Variants in CD200 observed in about 807,000 individuals in gnomAD.
The protein encoded by CD200 is OX-2 membrane glycoprotein.
Under a neutral mutation model 30.9 loss-of-function variants are expected in CD200, and 15 were observed. The ratio of observed to expected loss-of-function variants is 0.49; its 90% confidence interval spans 0.32 to 0.75. The LOEUF is 0.75. CD200 is among the 30% of genes least tolerant of loss of function. The pLI is 0.03. For synonymous variants in CD200, 134 were observed against 126.2 expected (o/e 1.06, Z -0.41); for missense variants, 262 against 324.2 (o/e 0.81, Z 1.47).
intron 2 of CD200, 28 bp from the exon 3 acceptor site, chr3:112,344,934 A>G (rs1357177338): frequency 1.3e-6 from 2 of 1,493,228 alleles, no homozygotes; most frequent in African/African-American, 1.4e-5. Context: ...CAATCTTTAA[A>G]TATAAATGTT....
chr3:112,341,466 T>A (rs2081236963), intron 2 of CD200, among the ~76,000 whole-genome samples: 1 of 152,238 alleles, frequency 6.6e-6, no homozygotes, highest in Non-Finnish European at 1.5e-5. Flanking sequence ...CATCTACTTA[T>A]CTACCGAAGT....
rs565413505 is a variant in CD200 at position 112,333,234 on chromosome 3, G to C, written c.12+10G>C. 25 of 1,549,652 alleles carry C rather than the reference G, an allele frequency of 1.6e-5. No homozygotes were observed. On this transcript the variant is annotated intron_variant, in intron 1 of 5. Coordinates refer to ENST00000315711, the MANE Select transcript of CD200 (RefSeq NM_005944.7). ...AAGGATGGAGAGGCTGGTGAGCGGG[G>C]CCGGGGCTTGGGAAGGAGGGCGCAG...
At chr3:112,344,255 G>A (rs1334068267) in intron 2 of CD200, among the ~76,000 whole-genome samples, 1 of 152,000 alleles carries the variant, frequency 6.6e-6, no homozygotes, top group Admixed American at 6.6e-5. Flanking sequence ...CAAAAGTTTG[G>A]CTATTTGTTT....
chr3:112,339,681 T>C (rs779221828), intron 1 of CD200, among the ~76,000 whole-genome samples: 3 of 152,176 alleles, frequency 2.0e-5, no homozygotes, highest in Non-Finnish European at 4.4e-5. Context: ...AAAACAGAGA[T>C]GGATTGATAC....
rs774267779 is a variant in CD200, at chr3:112,345,233, C to T, written c.366C>T (p.Leu122=). 6.2e-7 allele frequency: 1 copy of T among 1,614,124 alleles called. No homozygotes were observed. The highest frequency in any genetic ancestry group is 8.5e-7 in the Non-Finnish European group (1 of 1,179,978). ...TLEDEGCYMC[L]FNTFGFGKIS... ...AGGATGAAGGGTGTTACATGTGTCT[C>T]TTCAATACCTTTGGTTTTGGGAAGA... is the stretch of plus-strand genomic sequence containing the variant. The change falls in exon 3 of 6, where the codon CTC becomes CTT. Residue 122 remains leucine (L), a synonymous_variant. Transcript: ENST00000315711.
chr3:112,343,218 T>C (rs2081308206), intron 2 of CD200, among the ~76,000 whole-genome samples: 1 of 151,822 alleles, frequency 6.6e-6, no homozygotes, highest in South Asian at 2.1e-4. Context: ...TACATACATA[T>C]AAAGTATATA....
At chr3:112,352,019 A>G (rs551113529) in intron 5 of CD200, among the ~76,000 whole-genome samples, 1 of 152,308 alleles carries the variant, frequency 6.6e-6, no homozygotes, top group Admixed American at 6.5e-5. Context: ...AACACCTCCC[A>G]TTAAGCCCCA....
intron 1 of CD200, among the ~76,000 whole-genome samples, chr3:112,337,533 C>T (rs1289562137): frequency 6.6e-6 from 1 of 152,148 alleles, no homozygotes; most frequent in East Asian, 1.9e-4. Context: ...GAACTTTGAA[C>T]AATTTTCTCT....
At chr3:112,351,790 A>G (rs963718278) in intron 5 of CD200, among the ~76,000 whole-genome samples, 20 of 152,338 alleles carry the variant, frequency 1.3e-4, no homozygotes, top group African/African-American at 4.6e-4. Flanking sequence ...AGGCTATACA[A>G]GCACAGTGCC....
At chr3:112,345,309 TTGTC>T in intron 3 of CD200, 21 bp downstream of exon 3, 1 of 1,583,144 alleles carries the variant, frequency 6.3e-7, no homozygotes, top group Non-Finnish European at 8.7e-7. Flanking sequence ...CTGAGAATCA[TTGTC>T]TGTGTCTGGA....
chr3:112,333,545 G>A, intron 1 of CD200: 1 of 985,400 alleles, frequency 1.0e-6, no homozygotes, highest in Non-Finnish European at 1.2e-6. Context: ...GCATCCTCCG[G>A]GCAGGCTCGG....
At chr3:112,343,091 A>C (rs2081305274) in intron 2 of CD200, among the ~76,000 whole-genome samples, 1 of 152,032 alleles carries the variant, frequency 6.6e-6, no homozygotes, top group African/African-American at 2.4e-5. Context: ...CTTTCTCAAA[A>C]GTTTGGCTAT....
intron 3 of CD200, among the ~76,000 whole-genome samples, chr3:112,347,172 CA>C (rs1171291639): frequency 3.3e-5 from 5 of 152,290 alleles, no homozygotes; most frequent in African/African-American, 1.2e-4. Context: ...TGGTTATTGT[CA>C]AGCCATTTAA....
At chr3:112,333,357 G>C (rs987615943) in intron 1 of CD200, 133 bp downstream of exon 1, 56 of 1,424,874 alleles carry the variant, frequency 3.9e-5, no homozygotes, top group Non-Finnish European at 3.2e-5. Flanking sequence ...CTAGATCAGC[G>C]GTGTTGATGG....
chr3:112,357,786 A>G (rs539664380), intron 5 of CD200, among the ~76,000 whole-genome samples: 2 of 152,328 alleles, frequency 1.3e-5, no homozygotes, highest in Admixed American at 1.3e-4. Context: ...AACAGAACCA[A>G]TTTTACCACA....
rs1559778539 is a variant in CD200 at position 112,335,718 on chromosome 3, A to T, written c.12+2494A>T. 7.6e-6 allele frequency: 4 copies of T among 525,122 alleles called. No homozygotes were observed. The East Asian group carries it at 1.0e-4, about 14-fold the overall frequency. 32.5% of individuals were successfully genotyped at this position (525,122 alleles called of 1,614,324 possible). A position where few individuals can be genotyped will look rare whatever the true frequency, so the allele number is the denominator to read the frequency against. On this transcript the variant is annotated intron_variant, in intron 1 of 5. Transcript: ENST00000315711. Reference sequence around the variant, plus strand: ...TGAAAGATCCATCAGGAATACTGTGATGGAGATAGTGATGGAGACTCCTTG... The same window carrying T: ...TGAAAGATCCATCAGGAATACTGTGTTGGAGATAGTGATGGAGACTCCTTG...
Position 112,345,072 on chromosome 3 carries a change from G to T in CD200, c.205G>T (p.Ala69Ser). 1 of 1,614,096 alleles carries T rather than the reference G, an allele frequency of 6.2e-7. No homozygotes were observed. The highest frequency in any genetic ancestry group is 1.3e-5 in the African/African-American group (1 of 75,030). ...CATTGTGACATGGCAGAAAAAGAAAGCTGTAAGCCCAGAAAACATGGTCAC... is the reference window on the plus strand; with the variant it reads ...CATTGTGACATGGCAGAAAAAGAAATCTGTAAGCCCAGAAAACATGGTCAC... Reference protein sequence around the residue: ...ALIVTWQKKKAVSPENMVTFS... With the variant: ...ALIVTWQKKKSVSPENMVTFS... Residue 69 changes from alanine (A) to serine (S), a missense_variant, in exon 3 of 6, where the codon GCT becomes TCT. By Grantham distance (99) the Ala-to-Ser change is moderately conservative. Coordinates refer to ENST00000315711, the MANE Select transcript of CD200 (RefSeq NM_005944.7).
intron 2 of CD200, among the ~76,000 whole-genome samples, chr3:112,343,538 A>C (rs1294322679): frequency 6.6e-6 from 1 of 152,180 alleles, no homozygotes; most frequent in African/African-American, 2.4e-5. Flanking sequence ...TCCTGGCCTC[A>C]AGTGAGTCTT....
chr3:112,336,298 C>G (rs1385264725), intron 1 of CD200, among the ~76,000 whole-genome samples: 3 of 151,788 alleles, frequency 2.0e-5, no homozygotes, highest in African/African-American at 7.3e-5. Flanking sequence ...AAGAGAAATC[C>G]TTGTGGCAGG....
Sources: gnomAD v4.1 joint callset for allele counts (sites outside exome capture counted in the v4.1 genomes callset) on GRCh38, gnomAD v4.1.1 for gene constraint, MANE v1.5 for transcripts, NCBI Gene and HGNC (gene_info 2026-07-23, HGNC 2026-07-21) for gene names.